UBE2G1: variants seen among roughly 807,000 people sequenced by gnomAD.
UBE2G1 encodes ubiquitin conjugating enzyme E2 G1.
In UBE2G1, 5 loss-of-function variants were observed where a neutral mutation model predicts 22.7. The observed-to-expected ratio is 0.22, with a 90% CI of 0.12 to 0.46. The LOEUF is 0.46. UBE2G1 is among the 20% of genes least tolerant of loss of function. The pLI is 0.99. For missense variants in UBE2G1, 88 were observed against 203.9 expected (o/e 0.43, Z 3.46); for synonymous variants, 74 against 67.5 (o/e 1.10, Z -0.47).
intron 1 of UBE2G1, among the ~76,000 whole-genome samples, chr17:4,323,318 A>G (rs113778304): frequency 6.6e-6 from 1 of 152,238 alleles, no homozygotes; most frequent in Non-Finnish European, 1.5e-5. Context: ...GTAAAACAAA[A>G]GTAAGGACTC....
intron 1 of UBE2G1, among the ~76,000 whole-genome samples, chr17:4,312,402 CAAAA>C (rs1969320141): frequency 6.6e-6 from 1 of 151,840 alleles, no homozygotes; most frequent in Non-Finnish European, 1.5e-5. Context: ...AACTGAGAAA[CAAAA>C]AACAGGAGGC....
intron 1 of UBE2G1, chr17:4,364,551 G>A (rs1970010325): frequency 6.6e-6 from 1 of 150,692 alleles, no homozygotes; most frequent in South Asian, 2.1e-4. Context: ...GCCTCCCAAA[G>A]TGCTGGGATT....
intron 1 of UBE2G1, among the ~76,000 whole-genome samples, chr17:4,331,501 C>T (rs1256335431): frequency 2.0e-5 from 3 of 152,140 alleles, no homozygotes. Flanking sequence ...ATATCTAACT[C>T]TTAAAACACA....
chr17:4,341,592 T>C (rs1448473230), intron 1 of UBE2G1, among the ~76,000 whole-genome samples: 1 of 152,116 alleles, frequency 6.6e-6, no homozygotes, highest in Non-Finnish European at 1.5e-5. Flanking sequence ...CACACACGCA[T>C]GCAGACACAT....
intron 2 of UBE2G1, among the ~76,000 whole-genome samples, chr17:4,304,063 G>A (rs1347578926): frequency 6.6e-6 from 1 of 152,164 alleles, no homozygotes; most frequent in Non-Finnish European, 1.5e-5. Flanking sequence ...TAGCTCTGTT[G>A]CCCAAGCTAG....
Position 4,366,303 on chromosome 17 carries a change from T to C in UBE2G1, c.14A>G (p.Gln5Arg). MTEL[Q>R]SALLLRRQLA... ...CTGTCTTCGCAGTAGCAGTGCCGACTGCAGCTCCGTCATCCTCCCTGCCGA... is the reference window on the plus strand; with the variant it reads ...CTGTCTTCGCAGTAGCAGTGCCGACCGCAGCTCCGTCATCCTCCCTGCCGA... The change falls in exon 1 of 6, where the codon CAG becomes CGG. Residue 5 changes from glutamine to arginine, a missense_variant. Gln to Arg is a conservative substitution (Grantham distance 43). Around this residue, in one of 2 missense-constraint regions of UBE2G1, gnomAD observed 50 missense variants for 71.0 expected, o/e 0.70. Coordinates refer to ENST00000396981, the MANE Select transcript of UBE2G1 (RefSeq NM_003342.5). 1 of 1,552,262 alleles carries C rather than the reference T, an allele frequency of 6.4e-7. No homozygotes were observed. The highest frequency in any genetic ancestry group is 2.0e-4 in the Middle Eastern group (1 of 5,042).
At chr17:4,314,355 T>A (rs1047729205) in intron 1 of UBE2G1, among the ~76,000 whole-genome samples, 1 of 152,220 alleles carries the variant, frequency 6.6e-6, no homozygotes, top group East Asian at 1.9e-4. Flanking sequence ...TATGGGACAA[T>A]TTGAGTGTCA....
chr17:4,306,976 A>T, intron 2 of UBE2G1, 45 bp downstream of exon 2: 1 of 1,556,408 alleles, frequency 6.4e-7, no homozygotes, highest in African/African-American at 1.4e-5. Flanking sequence ...AATTCAGTGT[A>T]TTAAAAGAGC....
intron 1 of UBE2G1, among the ~76,000 whole-genome samples, chr17:4,339,471 AT>A (rs1969686652): frequency 1.3e-5 from 2 of 152,074 alleles, no homozygotes; most frequent in South Asian, 4.2e-4. Flanking sequence ...CGATCGGCTA[AT>A]TTTTTGTATT....
Position 4,302,418 on chromosome 17 carries a change from T to C in UBE2G1, c.149+4603A>G, listed in dbSNP as rs573123431. 94 of 507,786 alleles carry C rather than the reference T, an allele frequency of 1.9e-4. 1 individual carries two copies. Among genetic ancestry groups the C allele is most frequent in the Non-Finnish European group, 1.4e-4 (35 of 247,698 alleles). 31.5% of individuals were successfully genotyped at this position (507,786 alleles called of 1,614,324 possible). ...CCTATTCATCGCTTGCCTGTGCATT[T>C]TGGCCAACAGTGGCATCTGTAGTTC... On this transcript the variant is annotated intron_variant, in intron 2 of 5. Transcript: ENST00000396981.
At chr17:4,300,606 A>G (rs1349186581) in intron 2 of UBE2G1, among the ~76,000 whole-genome samples, 2 of 152,074 alleles carry the variant, frequency 1.3e-5, no homozygotes, top group African/African-American at 4.8e-5. Flanking sequence ...TTAATTCAAA[A>G]TATCTTTCAT....
At chr17:4,354,827 C>T (rs1264961635) in intron 1 of UBE2G1, among the ~76,000 whole-genome samples, 1 of 150,956 alleles carries the variant, frequency 6.6e-6, no homozygotes, top group African/African-American at 2.4e-5. Flanking sequence ...GTCCCAGCTA[C>T]GGAGGCAGAT....
intron 1 of UBE2G1, among the ~76,000 whole-genome samples, chr17:4,330,069 G>A (rs1969552994): frequency 1.3e-5 from 2 of 151,990 alleles, no homozygotes; most frequent in African/African-American, 4.8e-5. Context: ...TTACACGTAT[G>A]ACGTAAAAGA....
intron 5 of UBE2G1, among the ~76,000 whole-genome samples, chr17:4,278,005 T>C (rs2143673707): frequency 6.6e-6 from 1 of 152,274 alleles, no homozygotes; most frequent in East Asian, 1.9e-4. Flanking sequence ...ATTCAAGTGA[T>C]TCTCCTGCGT....
At chr17:4,353,341 A>G (rs1969867162) in intron 1 of UBE2G1, among the ~76,000 whole-genome samples, 1 of 152,048 alleles carries the variant, frequency 6.6e-6, no homozygotes, top group African/African-American at 2.4e-5. Context: ...ATATGTAAGA[A>G]GGGGGAAGAA....
chr17:4,301,840 A>T, intron 2 of UBE2G1: 1 of 514,164 alleles, frequency 1.9e-6, no homozygotes, highest in Non-Finnish European at 3.8e-6. Context: ...CTAGAATTGG[A>T]AGTACGGTAA....
At chr17:4,349,121 A>T (rs1160922062) in intron 1 of UBE2G1, among the ~76,000 whole-genome samples, 2 of 151,288 alleles carry the variant, frequency 1.3e-5, no homozygotes, top group Non-Finnish European at 3.0e-5. Context: ...AGGAGTTTGA[A>T]AACAGCCTGA....
intron 1 of UBE2G1, among the ~76,000 whole-genome samples, chr17:4,351,223 G>C (rs1969841850): frequency 6.6e-6 from 1 of 151,954 alleles, no homozygotes. Flanking sequence ...ACTGAATGCA[G>C]GGTATGTAAG....
At chr17:4,324,575 T>C (rs1054307238) in intron 1 of UBE2G1, among the ~76,000 whole-genome samples, 7 of 152,218 alleles carry the variant, frequency 4.6e-5, no homozygotes, top group African/African-American at 1.4e-4. Flanking sequence ...TGGAAATAAG[T>C]GAAACAATTG....
Sources: gnomAD v4.1 joint callset for allele counts (sites outside exome capture counted in the v4.1 genomes callset) on GRCh38, gnomAD v4.1.1 for gene constraint, gnomAD v4.1.1 regional missense constraint, MANE v1.5 for transcripts, NCBI Gene and HGNC (gene_info 2026-07-23, HGNC 2026-07-21) for gene names.